Variants in CDH13 observed in about 807,000 individuals in gnomAD.
The protein encoded by CDH13 is cadherin-13.
In CDH13, 24 loss-of-function variants were observed where a neutral mutation model predicts 63.8. The observed-to-expected ratio is 0.38, with a 90% CI of 0.27 to 0.53. The LOEUF is 0.53. CDH13 is among the 20% of genes least tolerant of loss of function. CDH13 has a pLI of 0.85. For missense variants in CDH13, 1,049 were observed against 903.1 expected, an observed-to-expected ratio of 1.16 and a Z score of -2.07; for synonymous variants, 503 against 355.3, an observed-to-expected ratio of 1.42 and a Z score of -4.67.
chr16:83,022,637 TGGGGGAGGGCTACAACTTCCA>T (rs754486648), intron 2 of CDH13, among the ~76,000 whole-genome samples: 6 of 152,190 alleles, frequency 3.9e-5, no homozygotes, highest in Non-Finnish European at 8.8e-5. Context: ...CATATCTGTC[TGGGGGAGGGCTACAACTTCCA>T]GGGTGACTGA....
chr16:83,711,542 G>C (rs987041728), intron 10 of CDH13, among the ~76,000 whole-genome samples: 3 of 151,992 alleles, frequency 2.0e-5, no homozygotes, highest in African/African-American at 7.3e-5. Flanking sequence ...TTTGAGAAAG[G>C]TCTTACTCTC....
chr16:83,112,251 C>G (rs1379935037), intron 3 of CDH13, among the ~76,000 whole-genome samples: 2 of 152,198 alleles, frequency 1.3e-5, no homozygotes, highest in Non-Finnish European at 2.9e-5. Context: ...ATTACTCTAG[C>G]AAACCAGCAG....
chr16:82,834,664 T>C (rs1165137103), intron 1 of CDH13, among the ~76,000 whole-genome samples: 1 of 152,184 alleles, frequency 6.6e-6, no homozygotes, highest in Non-Finnish European at 1.5e-5. Context: ...AGCCCCCTTG[T>C]CTGCCTGATA....
chr16:83,375,770 A>G (rs1230370402), intron 6 of CDH13, among the ~76,000 whole-genome samples: 2 of 152,162 alleles, frequency 1.3e-5, no homozygotes, highest in Non-Finnish European at 2.9e-5. Context: ...AGCTTGTTGC[A>G]GGAAGAATGA....
intron 7 of CDH13, among the ~76,000 whole-genome samples, chr16:83,596,204 C>T (rs751011786): frequency 1.3e-5 from 2 of 152,156 alleles, no homozygotes; most frequent in African/African-American, 2.4e-5. Context: ...GGCAGCTGGA[C>T]AAGTGAAAGT....
chr16:83,686,683 A>G (rs1904334819), intron 10 of CDH13, among the ~76,000 whole-genome samples: 2 of 152,210 alleles, frequency 1.3e-5, no homozygotes, highest in Non-Finnish European at 2.9e-5. Flanking sequence ...ATAATTTCAA[A>G]CATGTGATAG....
chr16:82,922,043 G>A (rs910538038), intron 2 of CDH13, among the ~76,000 whole-genome samples: 2 of 152,200 alleles, frequency 1.3e-5, no homozygotes, highest in East Asian at 3.9e-4. Context: ...TAGTCTAACT[G>A]TTGGCATAAA....
chr16:83,012,429 T>G (rs1474470028), intron 2 of CDH13, among the ~76,000 whole-genome samples: 2 of 151,434 alleles, frequency 1.3e-5, no homozygotes, highest in Non-Finnish European at 2.9e-5. Flanking sequence ...GCTATTTTCC[T>G]ACCACCTTTG....
intron 1 of CDH13, among the ~76,000 whole-genome samples, chr16:82,723,382 T>G (rs2032899293): frequency 6.6e-6 from 1 of 151,942 alleles, no homozygotes; most frequent in South Asian, 2.1e-4. Context: ...CCAGCTCTCT[T>G]CCTTCTTTGT....
At chr16:83,273,228 C>G (rs8058887) in intron 5 of CDH13, among the ~76,000 whole-genome samples, 130 of 151,968 alleles carry the variant, frequency 8.6e-4, no homozygotes, top group Non-Finnish European at 1.6e-3. Context: ...AGGTTTGTTA[C>G]GTGTATAAAT....
intron 2 of CDH13, among the ~76,000 whole-genome samples, chr16:82,864,042 G>A (rs1020914162): frequency 6.6e-6 from 1 of 152,204 alleles, no homozygotes; most frequent in Non-Finnish European, 1.5e-5. Context: ...ACTAGTTACA[G>A]AAGAAAAGTC....
chr16:83,378,429 CATT>C (rs1426222602), intron 6 of CDH13, among the ~76,000 whole-genome samples: 3 of 152,154 alleles, frequency 2.0e-5, no homozygotes, highest in Non-Finnish European at 2.9e-5. Context: ...CTCATCGGGA[CATT>C]ATTATGTTCT....
intron 5 of CDH13, among the ~76,000 whole-genome samples, chr16:83,269,712 A>G (rs2088741558): frequency 6.6e-6 from 1 of 152,138 alleles, no homozygotes; most frequent in Admixed American, 6.5e-5. Context: ...GCTCCATGAC[A>G]TCATCCTCTT....
chr16:83,567,817 A>C (rs1043581703), intron 7 of CDH13, among the ~76,000 whole-genome samples: 3 of 151,892 alleles, frequency 2.0e-5, no homozygotes, highest in Admixed American at 1.3e-4. Flanking sequence ...GGATGGTCTC[A>C]ATCTCCTGAC....
At chr16:83,405,453 C>A (rs548916167) in intron 6 of CDH13, among the ~76,000 whole-genome samples, 1 of 152,260 alleles carries the variant, frequency 6.6e-6, no homozygotes, top group African/African-American at 2.4e-5. Flanking sequence ...GTGATGTTGT[C>A]CTGCTGGCTT....
intron 5 of CDH13, among the ~76,000 whole-genome samples, chr16:83,235,729 T>TA (rs1470519606): frequency 6.6e-6 from 1 of 152,162 alleles, no homozygotes; most frequent in African/African-American, 2.4e-5. Context: ...ATTATGTAGA[T>TA]ATTATTCAGA....
At chr16:83,246,071 T>G (rs1308470656) in intron 5 of CDH13, among the ~76,000 whole-genome samples, 1 of 152,198 alleles carries the variant, frequency 6.6e-6, no homozygotes, top group Non-Finnish European at 1.5e-5. Flanking sequence ...AGGATGTCTT[T>G]TGTCCCAACC....
intron 1 of CDH13, among the ~76,000 whole-genome samples, chr16:82,632,006 A>T (rs190699690): frequency 6.6e-6 from 1 of 152,192 alleles, no homozygotes; most frequent in East Asian, 1.9e-4. Flanking sequence ...GTTTGGCTCA[A>T]ATGTTTTGCA....
intron 2 of CDH13, among the ~76,000 whole-genome samples, chr16:82,917,829 T>G (rs188601947): frequency 8.0e-5 from 12 of 150,080 alleles, no homozygotes; most frequent in African/African-American, 2.7e-4. Flanking sequence ...GCGGGAGAAT[T>G]GCTTGAACCC....
Sources: allele counts gnomAD v4.1 joint callset (sites outside exome capture counted in the v4.1 genomes callset), GRCh38; gene constraint gnomAD v4.1.1; transcripts MANE v1.5; gene names NCBI Gene and HGNC (gene_info 2026-07-23, HGNC 2026-07-21).